CBLB: variants seen among roughly 807,000 people sequenced by gnomAD.
CBLB encodes the protein Cbl proto-oncogene B.
CBLB carries 31 observed loss-of-function variants against 104.9 expected under a neutral mutation model. The ratio of observed to expected loss-of-function variants is 0.30; its 90% CI spans 0.22 to 0.40. The LOEUF is 0.40. Ranked by LOEUF, CBLB falls within the 10% of genes least tolerant of loss-of-function variation. CBLB has a pLI of 1.00. For synonymous variants in CBLB, 440 were observed against 422.6 expected, an observed-to-expected ratio of 1.04 and a Z score of -0.51; for missense variants, 1,062 against 1,214.6, an observed-to-expected ratio of 0.87 and a Z score of 1.87.
At chr3:105,842,821 T>C (rs1406749341) in intron 3 of CBLB, among the ~76,000 whole-genome samples, 1 of 152,224 alleles carries the variant, frequency 6.6e-6, no homozygotes, top group Non-Finnish European at 1.5e-5. Context: ...TCTGACAGCA[T>C]TGTACTGTTA....
At chr3:105,843,108 G>A (rs1012553083) in intron 3 of CBLB, among the ~76,000 whole-genome samples, 2 of 152,120 alleles carry the variant, frequency 1.3e-5, no homozygotes, top group South Asian at 2.1e-4. Context: ...CAGAGGCAAC[G>A]CTGACTAATT....
intron 3 of CBLB, among the ~76,000 whole-genome samples, chr3:105,780,388 C>T (rs2080047678): frequency 6.6e-6 from 1 of 151,970 alleles, no homozygotes. Context: ...GAATCTGATA[C>T]TTATGAAGAA....
intron 12 of CBLB, among the ~76,000 whole-genome samples, chr3:105,698,030 A>C (rs2068605152): frequency 6.6e-6 from 1 of 152,078 alleles, no homozygotes; most frequent in Non-Finnish European, 1.5e-5. Flanking sequence ...AAAATCTGAG[A>C]CTTTCAGAGA....
intron 3 of CBLB, among the ~76,000 whole-genome samples, chr3:105,847,673 G>T (rs2090450565): frequency 6.6e-6 from 1 of 151,690 alleles, no homozygotes; most frequent in Non-Finnish European, 1.5e-5. Context: ...TAGCACCCTG[G>T]CTCACTCAAG....
At chr3:105,736,634 G>T (rs2074978714) in intron 8 of CBLB, among the ~76,000 whole-genome samples, 1 of 152,086 alleles carries the variant, frequency 6.6e-6, no homozygotes, top group African/African-American at 2.4e-5. Context: ...GTGTGCATGT[G>T]TAAGTGATAT....
Position 105,792,485 on chromosome 3 carries a change from T to C in CBLB, c.420-15943A>G, listed in dbSNP as rs189076640. Among the ~76,000 whole-genome samples, 4 of 152,294 alleles carry C rather than the reference T, an allele frequency of 2.6e-5. No individual in the cohort carries two copies. In the East Asian group the frequency reaches 7.7e-4, roughly 29 times the overall value. ...TGTCATCCCTCTTGCTCAATAACCC[T>C]GAAGTACTCATCCCCTAGTCTTTGA... On this transcript the variant is annotated intron_variant, in intron 3 of 18. Coordinates refer to ENST00000394030, the MANE Select transcript of CBLB (RefSeq NM_170662.5).
chr3:105,830,127 T>A (rs374496835), intron 3 of CBLB, among the ~76,000 whole-genome samples: 2 of 152,186 alleles, frequency 1.3e-5, no homozygotes, highest in East Asian at 1.9e-4. Context: ...CCTGCCCCAG[T>A]AATGCATTGC....
Position 105,825,492 on chromosome 3 carries a change from T to C in CBLB, c.419+27922A>G, listed in dbSNP as rs143715537. ...TATTTTATGTTCACTCTCTAATCCA[T>C]ATAGGAGAGGAGTCAGGCTCAGTAA... On this transcript the variant is annotated intron_variant, in intron 3 of 18. Coordinates refer to ENST00000394030, the MANE Select transcript of CBLB (RefSeq NM_170662.5). Among the ~76,000 whole-genome samples the C allele has an allele frequency of 4.3e-3, 659 of 152,308 alleles. 2 individuals carry two copies. The highest frequency in any genetic ancestry group is 6.8e-3 in the Middle Eastern group (2 of 294).
chr3:105,670,189 A>G (rs750228499), intron 18 of CBLB, 44 bp downstream of exon 18: 1 of 1,565,786 alleles, frequency 6.4e-7, no homozygotes, highest in South Asian at 1.1e-5. Context: ...AAAAAGCACT[A>G]TATAACAATA....
At chr3:105,846,291 T>C (rs2090244616) in intron 3 of CBLB, among the ~76,000 whole-genome samples, 1 of 152,052 alleles carries the variant, frequency 6.6e-6, no homozygotes, top group African/African-American at 2.4e-5. Flanking sequence ...AAAAACTAGG[T>C]TAATTTTTTA....
At chr3:105,866,392 T>C (rs895235370) in intron 2 of CBLB, among the ~76,000 whole-genome samples, 3 of 152,210 alleles carry the variant, frequency 2.0e-5, no homozygotes, top group African/African-American at 7.2e-5. Context: ...TGGCACATCC[T>C]TACACAGAAA....
rs759054710 is a variant in CBLB at position 105,853,506 on chromosome 3, G to C, written c.327C>G (p.Ile109Met). Reference sequence around the variant, plus strand: ...ACTTTTTCATAAGGCTATCAATGTAGATTTTAAAGTACTCATTCTCACTGA... The same window carrying C: ...ACTTTTTCATAAGGCTATCAATGTACATTTTAAAGTACTCATTCTCACTGA... ...AQLSENEYFKIYIDSLMKKSK... is the reference protein window; with the variant it reads ...AQLSENEYFKMYIDSLMKKSK... The change falls in exon 3 of 19, where the codon ATC (isoleucine) becomes ATG (methionine). Residue 109 changes from isoleucine to methionine, a missense_variant. Physicochemically the swap from Ile to Met is conservative, Grantham distance 10. Coordinates refer to ENST00000394030, the MANE Select transcript of CBLB (RefSeq NM_170662.5). 7 of 1,613,264 alleles carry C rather than the reference G, an allele frequency of 4.3e-6. No individual in the cohort carries two copies. Among genetic ancestry groups the C allele is most frequent in the Admixed American group, 3.3e-5 (2 of 60,016 alleles).
At chr3:105,757,317 G>T (rs978280797) in intron 4 of CBLB, among the ~76,000 whole-genome samples, 2 of 152,160 alleles carry the variant, frequency 1.3e-5, no homozygotes, top group Admixed American at 1.3e-4. Context: ...TGCAAGTAAA[G>T]AGTTGAATTC....
At chr3:105,727,570 G>A (rs1376415218) in intron 9 of CBLB, among the ~76,000 whole-genome samples, 1 of 151,952 alleles carries the variant, frequency 6.6e-6, no homozygotes, top group Admixed American at 6.6e-5. Flanking sequence ...GTCTATTTTG[G>A]CTTTTGTTGC....
At chr3:105,850,407 T>C (rs2090794908) in intron 3 of CBLB, among the ~76,000 whole-genome samples, 1 of 152,122 alleles carries the variant, frequency 6.6e-6, no homozygotes, top group Non-Finnish European at 1.5e-5. Context: ...TAGAGGTTTC[T>C]TAAAGGTTTT....
chr3:105,801,189 G>A (rs764323231), intron 3 of CBLB, among the ~76,000 whole-genome samples: 8 of 151,902 alleles, frequency 5.3e-5, no homozygotes, highest in Non-Finnish European at 8.8e-5. Context: ...AACCTTTAAC[G>A]CACTCAGGAA....
chr3:105,741,964 AAT>A (rs2152884117), intron 6 of CBLB, among the ~76,000 whole-genome samples: 1 of 152,370 alleles, frequency 6.6e-6, no homozygotes, highest in South Asian at 2.1e-4. Context: ...ATAGTTCAAA[AAT>A]ATAAATCAAA....
At chr3:105,686,827 C>T (rs953539216) in intron 13 of CBLB, among the ~76,000 whole-genome samples, 2 of 152,078 alleles carry the variant, frequency 1.3e-5, no homozygotes, top group Non-Finnish European at 2.9e-5. Flanking sequence ...TACAGGGAGA[C>T]AAAAGCACAG....
chr3:105,694,460 T>G (rs1399579908), intron 12 of CBLB, among the ~76,000 whole-genome samples: 1 of 151,918 alleles, frequency 6.6e-6, no homozygotes, highest in Non-Finnish European at 1.5e-5. Context: ...TGCAAACTCT[T>G]ATTAATTCAT....
Sources: allele counts gnomAD v4.1 joint callset (sites outside exome capture counted in the v4.1 genomes callset), GRCh38; gene constraint gnomAD v4.1.1; transcripts MANE v1.5; gene names NCBI Gene and HGNC (gene_info 2026-07-23, HGNC 2026-07-21).